Variants in GNA13 observed in about 807,000 individuals in gnomAD.
The protein encoded by GNA13 is guanine nucleotide-binding protein subunit alpha-13.
In GNA13, 4 loss-of-function variants were observed where a neutral mutation model predicts 33.5. The ratio of observed to expected loss-of-function variants is 0.12; its 90% CI spans 0.06 to 0.27. The LOEUF is 0.27. Ranked by LOEUF, GNA13 falls within the 10% of genes least tolerant of loss-of-function variation. The pLI is 1.00. For synonymous variants in GNA13, 176 were observed against 183.8 expected (o/e 0.96, Z 0.34); for missense variants, 319 against 487.2 (o/e 0.65, Z 3.25).
chr17:65,011,688 A>G lies in GNA13; in HGVS notation c.*2569T>C. The G allele has an allele frequency of 4.4e-6, 1 of 226,824 alleles. No homozygotes were observed. Among genetic ancestry groups the G allele is most frequent in the Non-Finnish European group, 8.8e-6 (1 of 113,850 alleles). The allele number at this position is 226,824 out of a possible 1,614,324, so 14.1% of individuals were successfully genotyped here. A position where few individuals can be genotyped will look rare whatever the true frequency, so the allele number is the denominator to read the frequency against. On this transcript the variant is annotated 3_prime_UTR_variant, in exon 4 of 4. Transcript: ENST00000439174. ...CAGAATGTAACACAGGATTAGGCAC[A>G]TTTTATTCCAAATCATAACCATAAA...
chr17:65,024,062 T>G (rs762962283), intron 2 of GNA13, among the ~76,000 whole-genome samples: 8 of 152,194 alleles, frequency 5.3e-5, no homozygotes, highest in Non-Finnish European at 7.3e-5. Flanking sequence ...AAAACCCACC[T>G]AGGCAACATA....
intron 2 of GNA13, among the ~76,000 whole-genome samples, 189 bp from the exon 3 acceptor site, chr17:65,018,492 A>G (rs1049013093): frequency 6.6e-6 from 1 of 152,222 alleles, no homozygotes; most frequent in Non-Finnish European, 1.5e-5. Context: ...TAAATCTGCA[A>G]AGGCAGGCTG....
intron 2 of GNA13, among the ~76,000 whole-genome samples, chr17:65,031,630 G>A (rs1034920237): frequency 2.0e-5 from 3 of 152,188 alleles, no homozygotes; most frequent in Middle Eastern, 3.4e-3. Flanking sequence ...ATTTCCATCA[G>A]TGTTATAATC....
chr17:65,046,111 T>C (rs1907651737), intron 2 of GNA13, among the ~76,000 whole-genome samples: 1 of 152,170 alleles, frequency 6.6e-6, no homozygotes, highest in South Asian at 2.1e-4. Context: ...CTTGTTTTGC[T>C]TTTTTGTGGA....
chr17:65,051,911 C>G (rs1046306461), intron 2 of GNA13: 1 of 152,148 alleles, frequency 6.6e-6, no homozygotes, highest in Non-Finnish European at 1.5e-5. Context: ...CTATACAAGA[C>G]GGTAAATAAT....
In GNA13 at chr17:65,056,580, A is replaced by C; in HGVS notation, c.14T>G (p.Leu5Arg). 6.2e-7 allele frequency: 1 copy of C among 1,602,514 alleles called. No individual in the cohort carries two copies. Among genetic ancestry groups the C allele is most frequent in the Non-Finnish European group, 8.5e-7 (1 of 1,176,176 alleles). MADF[L>R]PSRSVLSVCF... ...CACGGACAGCACGGACCGCGACGGC[A>C]GGAAGTCCGCCATCTTGCCGCCGCC... Residue 5 changes from leucine to arginine, a missense_variant, in exon 1 of 4, where the codon CTG becomes CGG. Transcript: ENST00000439174.
rs1906154581 is a variant in GNA13, at chr17:65,010,597, A to G, written c.*3660T>C. 4.9e-6 allele frequency: 1 copy of G among 205,898 alleles called. No homozygotes were observed. Among genetic ancestry groups the G allele is most frequent in the African/African-American group, 2.3e-5 (1 of 43,906 alleles). The allele number at this position is 205,898 out of a possible 1,614,324, so 12.8% of individuals were successfully genotyped here. A position where few individuals can be genotyped will look rare whatever the true frequency, so the allele number is the denominator to read the frequency against. ...TAACAGAAGCGAACGCCTTAAAATG[A>G]TGGGAGAGAGACAAATTAACTAGGT... On this transcript the variant is annotated 3_prime_UTR_variant, in exon 4 of 4. Transcript: ENST00000439174.
chr17:65,023,614 G>A (rs1176527512), intron 2 of GNA13, among the ~76,000 whole-genome samples: 1 of 152,148 alleles, frequency 6.6e-6, no homozygotes, highest in Non-Finnish European at 1.5e-5. Context: ...AAGTCATTTC[G>A]ACAGCTAGCA....
intron 2 of GNA13, among the ~76,000 whole-genome samples, chr17:65,027,966 C>T (rs1202223157): frequency 6.6e-6 from 1 of 151,916 alleles, no homozygotes; most frequent in Non-Finnish European, 1.5e-5. Context: ...AGGCTGGGCA[C>T]GGTGGCTCAC....
Position 65,056,355 on chromosome 17 carries a change from G to T in GNA13, c.239C>A (p.Ala80Glu). ...GATGGTGGGGCGGAACTCCTCGCGC[G>T]CGCGCTGGTCGAAGTCCTGCCCGTG... is the stretch of plus-strand genomic sequence containing the variant. Reference protein sequence around the residue: ...IIHGQDFDQRAREEFRPTIYS... With the variant: ...IIHGQDFDQREREEFRPTIYS... The change falls in exon 1 of 4, where the codon GCG (alanine) becomes GAG (glutamate). Residue 80 changes from alanine (A) to glutamate (E), a missense_variant. Coordinates refer to ENST00000439174, the MANE Select transcript of GNA13 (RefSeq NM_006572.6). 6.2e-7 allele frequency: 1 copy of T among 1,610,002 alleles called. No homozygotes were observed. Among genetic ancestry groups the T allele is most frequent in the Non-Finnish European group, 8.5e-7 (1 of 1,178,134 alleles).
At chr17:65,033,593 TGA>T (rs1907134416) in intron 2 of GNA13, among the ~76,000 whole-genome samples, 1 of 152,186 alleles carries the variant, frequency 6.6e-6, no homozygotes, top group African/African-American at 2.4e-5. Flanking sequence ...GTTCAGTTCA[TGA>T]GGAACAAAAC....
chr17:65,041,618 G>C lies in GNA13; in HGVS notation c.510+11884C>G, dbSNP rs1438426765. Among the ~76,000 whole-genome samples the C allele has an allele frequency of 2.0e-5, 3 of 152,286 alleles. No homozygotes were observed. In the East Asian group the frequency reaches 5.8e-4, roughly 29 times the overall value. Reference sequence around the variant, plus strand: ...CGCCTCTGCTAAGTCACAGGGCAGAGAAATGACAGAAAGGGAAAGAGTACG... The same window carrying C: ...CGCCTCTGCTAAGTCACAGGGCAGACAAATGACAGAAAGGGAAAGAGTACG... On this transcript the variant is annotated intron_variant, in intron 2 of 3. Coordinates refer to ENST00000439174, the MANE Select transcript of GNA13 (RefSeq NM_006572.6).
In GNA13 at chr17:65,009,873, T is replaced by G. The variant is rs1477182450; in HGVS notation, c.*4384A>C. ...ATTAAGGACAATTTCTCACTTACTA[T>G]GGCAAAAAATATTATATACAAGCTT... On this transcript the variant is annotated 3_prime_UTR_variant, in exon 4 of 4. Coordinates refer to ENST00000439174, the MANE Select transcript of GNA13 (RefSeq NM_006572.6). 6.6e-6 allele frequency among the ~76,000 whole-genome samples: 1 copy of G among 152,174 alleles called. No homozygotes were observed. Among genetic ancestry groups the G allele is most frequent in the Non-Finnish European group, 1.5e-5 (1 of 68,026 alleles).
Position 65,010,253 on chromosome 17 carries a change from C to T in GNA13, c.*4004G>A, listed in dbSNP as rs529481436. ...TCCAAATGATGTTGTTAATCACCTA[C>T]CAGCCTAAGACTAGTATCTACTTGA... On this transcript the variant is annotated 3_prime_UTR_variant, in exon 4 of 4. Coordinates refer to ENST00000439174, the MANE Select transcript of GNA13 (RefSeq NM_006572.6). 6.6e-6 allele frequency among the ~76,000 whole-genome samples: 1 copy of T among 152,012 alleles called. No homozygotes were observed. The highest frequency in any genetic ancestry group is 1.5e-5 in the Non-Finnish European group (1 of 68,008).
Position 65,010,034 on chromosome 17 carries a change from A to G in GNA13, c.*4223T>C, listed in dbSNP as rs929733373. Among the ~76,000 whole-genome samples, 1 of 152,198 alleles carries G rather than the reference A, an allele frequency of 6.6e-6. No individual in the cohort carries two copies. Among genetic ancestry groups the G allele is most frequent in the Non-Finnish European group, 1.5e-5 (1 of 68,022 alleles). On this transcript the variant is annotated 3_prime_UTR_variant, in exon 4 of 4. Coordinates refer to ENST00000439174, the MANE Select transcript of GNA13 (RefSeq NM_006572.6). ...CTTTCATCATCAACAGCAGATTTGT[A>G]TATGTCACAAAACTCTCCTTATCAA...
intron 2 of GNA13, among the ~76,000 whole-genome samples, chr17:65,027,265 A>G (rs1906824416): frequency 6.7e-6 from 1 of 150,044 alleles, no homozygotes; most frequent in Non-Finnish European, 1.5e-5. Flanking sequence ...AATCATCCAG[A>G]TTTATTTATA....
rs778151842 is a variant in GNA13 at position 65,014,443 on chromosome 17, G to A, written c.948C>T (p.Pro316=). 86 of 1,614,062 alleles carry A rather than the reference G, an allele frequency of 5.3e-5. No individual in the cohort carries two copies. In the Middle Eastern group the frequency reaches 6.6e-4, roughly 12 times the overall value. Reference sequence around the variant, plus strand: ...ATTTTTGGACGTCTCTTAAGCAGTGGGGATCCCCTTCAAATTCTAGGAAAT... The same window carrying A: ...ATTTTTGGACGTCTCTTAAGCAGTGAGGATCCCCTTCAAATTCTAGGAAAT... The part of the protein sequence containing the change: ...KDYFLEFEGD[P]HCLRDVQKFL... Residue 316 remains proline, a synonymous_variant, in exon 4 of 4, where the codon CCC becomes CCT. Transcript: ENST00000439174. The surrounding 1 kb of genome is among the most constrained non-coding windows in gnomAD (Gnocchi z 5.3).
intron 2 of GNA13, among the ~76,000 whole-genome samples, chr17:65,021,099 A>G (rs1409074656): frequency 6.6e-6 from 1 of 152,252 alleles, no homozygotes; most frequent in Non-Finnish European, 1.5e-5. Context: ...AAGGCTGAAG[A>G]GTAAAAGTAG....
At chr17:65,055,586 A>C (rs1034580473) in intron 1 of GNA13, 10 of 984,972 alleles carry the variant, frequency 1.0e-5, no homozygotes, top group Non-Finnish European at 1.1e-5. Context: ...ACACGCAAAC[A>C]TCCTACCTGA....
Sources: allele counts gnomAD v4.1 joint callset (sites outside exome capture counted in the v4.1 genomes callset), GRCh38; gene constraint gnomAD v4.1.1; non-coding constraint Gnocchi (gnomAD v3.1); transcripts MANE v1.5; gene names NCBI Gene and HGNC (gene_info 2026-07-23, HGNC 2026-07-21).